LINC00632: variants seen among roughly 807,000 people sequenced by gnomAD.
The protein encoded by LINC00632 is ALDOA related specific transcript.
intron 3 of LINC00632, among the ~76,000 whole-genome samples, chrX:140,740,894 C>A (rs1158509706): frequency 1.8e-5 from 2 of 112,229 alleles, no homozygotes; most frequent in African/African-American, 6.5e-5. Flanking sequence ...AAGCATTCCT[C>A]ATGTGCACTG....
At chrX:140,743,054 G>GTC (rs1031473335) in intron 3 of LINC00632, among the ~76,000 whole-genome samples, 2 of 107,228 alleles carry the variant, frequency 1.9e-5, no homozygotes, top group African/African-American at 6.9e-5. Flanking sequence ...GTGAAACCCC[G>GTC]TCTCTACTAA....
chrX:140,730,031 C>T (rs1340537410), intron 2 of LINC00632, among the ~76,000 whole-genome samples: 2 of 109,556 alleles, frequency 1.8e-5, no homozygotes, highest in Non-Finnish European at 3.8e-5. Flanking sequence ...CGCACGCCAC[C>T]GTGCCCAACT....
intron 2 of LINC00632, among the ~76,000 whole-genome samples, chrX:140,718,611 A>G (rs1400722957): frequency 1.8e-5 from 2 of 110,860 alleles, no homozygotes; most frequent in Non-Finnish European, 1.9e-5. Context: ...GGGTTTCGCC[A>G]TGCTGGCCAG....
At chrX:140,750,718 G>A (rs1029939700) in intron 3 of LINC00632, among the ~76,000 whole-genome samples, 4 of 110,516 alleles carry the variant, frequency 3.6e-5, no homozygotes, top group Non-Finnish European at 7.6e-5. Context: ...TGGTGCATCC[G>A]TCACCTGAGC....
At chrX:140,718,673 A>G (rs1051037476) in intron 2 of LINC00632, among the ~76,000 whole-genome samples, 6 of 111,413 alleles carry the variant, frequency 5.4e-5, no homozygotes, top group African/African-American at 2.0e-4. Context: ...TGTCTCCCAA[A>G]GTGCTGGGAT....
At chrX:140,790,383 TA>T (rs202241367) in exon 5 of LINC00632, among the ~76,000 whole-genome samples, 15 of 111,466 alleles carry the variant, frequency 1.3e-4, no homozygotes, top group African/African-American at 1.6e-4. Context: ...TATATGGGTA[TA>T]TTTTTTTGTT....
At chrX:140,785,125 C>T (rs1360725776) in exon 5 of LINC00632, among the ~76,000 whole-genome samples, 1 of 109,048 alleles carries the variant, frequency 9.2e-6, no homozygotes, top group African/African-American at 3.3e-5. Flanking sequence ...TATTATTTGT[C>T]CATTTTAAAT....
intron 2 of LINC00632, chrX:140,715,906 C>T (rs991980421): frequency 3.4e-4 from 38 of 111,790 alleles, no homozygotes; most frequent in African/African-American, 1.2e-3. Context: ...ACAAGCCCTT[C>T]AGGGCACAGA....
intron 3 of LINC00632, among the ~76,000 whole-genome samples, chrX:140,759,956 A>C (rs1361805262): frequency 3.6e-5 from 4 of 111,936 alleles, no homozygotes. Context: ...AATTCAGGAA[A>C]GGCTTGACTC....
intron 3 of LINC00632, among the ~76,000 whole-genome samples, chrX:140,748,590 C>T (rs1252704903): frequency 9.0e-6 from 1 of 110,529 alleles, no homozygotes; most frequent in East Asian, 2.8e-4. Flanking sequence ...TGCTATCTAC[C>T]ATCAAACAGG....
At chrX:140,721,390 C>A (rs1930726104) in intron 2 of LINC00632, among the ~76,000 whole-genome samples, 1 of 111,485 alleles carries the variant, frequency 9.0e-6, no homozygotes, top group South Asian at 3.8e-4. Flanking sequence ...TTTCCACGGA[C>A]TGGGGGTGAG....
chrX:140,777,234 C>A (rs1177617337), exon 5 of LINC00632, among the ~76,000 whole-genome samples: 1 of 111,884 alleles, frequency 8.9e-6, no homozygotes, highest in Non-Finnish European at 1.9e-5. Context: ...GTGCAGCGAA[C>A]CACCATGGCA....
intron 3 of LINC00632, among the ~76,000 whole-genome samples, chrX:140,760,266 A>G (rs1931576860): frequency 8.9e-6 from 1 of 112,000 alleles, no homozygotes; most frequent in South Asian, 3.7e-4. Context: ...TGCCACGCCC[A>G]TGAATAATTC....
At chrX:140,769,901 C>G (rs770280380) in intron 3 of LINC00632, among the ~76,000 whole-genome samples, 1 of 111,742 alleles carries the variant, frequency 8.9e-6, no homozygotes, top group Admixed American at 9.6e-5. Flanking sequence ...ACTTTCTGTA[C>G]TATAAACATT....
chrX:140,770,348 G>A lies in LINC00632; in HGVS notation n.192-1730G>A, dbSNP rs12010880. On this transcript the variant is annotated intron_variant and non_coding_transcript_variant, in intron 3 of 4. Coordinates refer to ENST00000648200, the Ensembl canonical transcript of LINC00632. ...ATGGCGATGAAAGTGACCTCTGGTC[G>A]TCCTCACTGCTCATTGTATGCTAAT... 5.1e-3 allele frequency among the ~76,000 whole-genome samples: 570 copies of A among 111,764 alleles called. 7 individuals are homozygous for A. Among genetic ancestry groups the A allele is most frequent in the African/African-American group, 0.017 (522 of 30,802 alleles).
At chrX:140,784,544 C>A in exon 5 of LINC00632, 1 of 541,212 alleles carries the variant, frequency 1.8e-6, no homozygotes, top group Non-Finnish European at 3.1e-6. Flanking sequence ...CCAGCATCTT[C>A]ATGTCTTCCA....
At chrX:140,712,910 C>T (rs926239507) in intron 2 of LINC00632, among the ~76,000 whole-genome samples, 67 of 110,663 alleles carry the variant, frequency 6.1e-4, no homozygotes, top group African/African-American at 2.1e-3. Context: ...GCCTTGCCTG[C>T]GGTTATTGCA....
At chrX:140,753,068 A>G (rs1931433319) in intron 3 of LINC00632, among the ~76,000 whole-genome samples, 2 of 112,379 alleles carry the variant, frequency 1.8e-5, no homozygotes, top group Non-Finnish European at 3.8e-5. Flanking sequence ...TGTTTGTTAC[A>G]TACATAAATA....
At chrX:140,759,289 TTTCCTTCCTTCCTTCCTTCCTTCC>T (rs796485491) in intron 3 of LINC00632, among the ~76,000 whole-genome samples, 69 of 79,602 alleles carry the variant, frequency 8.7e-4, no homozygotes, top group Admixed American at 3.6e-3. Flanking sequence ...TCTTTCTTTC[TTTCCTTCCTTCCTTCCTTCCTTCC>T]TTCCTTCCTT....
Sources: gnomAD v4.1 joint callset for allele counts (sites outside exome capture counted in the v4.1 genomes callset) on GRCh38, gnomAD v4.1.1 for gene constraint, MANE v1.5 for transcripts, NCBI Gene and HGNC (gene_info 2026-07-23, HGNC 2026-07-21) for gene names.